TIAM1: variants seen among roughly 807,000 people sequenced by gnomAD.
The protein encoded by TIAM1 is rho guanine nucleotide exchange factor TIAM1.
A neutral mutation model predicts 163.5 loss-of-function variants in TIAM1; 65 were observed. That is an observed-to-expected ratio of 0.40 (90% CI 0.33 to 0.49). TIAM1 has a LOEUF of 0.49. Ranked by LOEUF, TIAM1 falls within the 20% of genes least tolerant of loss-of-function variation. The pLI, the probability that TIAM1 is intolerant of heterozygous loss-of-function variation, is 0.77. For synonymous variants in TIAM1, 833 were observed against 810.1 expected (o/e 1.03, Z -0.48); for missense variants, 1,789 against 2,044.7 (o/e 0.87, Z 2.41).
chr21:31,486,889 G>A (rs2046290096), intron 1 of TIAM1, among the ~76,000 whole-genome samples: 5 of 152,206 alleles, frequency 3.3e-5, no homozygotes, highest in Admixed American at 3.3e-4. Flanking sequence ...TGGCCGCTTT[G>A]CCCAACTCCT....
intron 2 of TIAM1, among the ~76,000 whole-genome samples, chr21:31,291,423 A>G (rs2074015254): frequency 6.6e-6 from 1 of 152,254 alleles, no homozygotes; most frequent in East Asian, 1.9e-4. Flanking sequence ...TTAGGAACTC[A>G]TATGGCTATG....
chr21:31,148,376 C>A (rs2083232312), intron 19 of TIAM1, among the ~76,000 whole-genome samples: 1 of 152,116 alleles, frequency 6.6e-6, no homozygotes, highest in Non-Finnish European at 1.5e-5. Flanking sequence ...AAGGGCGGTT[C>A]CCCTGCACAC....
intron 2 of TIAM1, among the ~76,000 whole-genome samples, chr21:31,360,829 A>G: frequency 6.6e-6 from 1 of 152,218 alleles, no homozygotes; most frequent in East Asian, 1.9e-4. Context: ...TGGTTTTTCA[A>G]TTTACAAAAT....
intron 2 of TIAM1, among the ~76,000 whole-genome samples, chr21:31,381,226 C>G (rs146643322): frequency 1.5e-4 from 23 of 152,144 alleles, no homozygotes; most frequent in African/African-American, 4.1e-4. Context: ...AATTCTAATC[C>G]CTAAGGTGAT....
chr21:31,206,479 T>C (rs57806222), intron 11 of TIAM1, among the ~76,000 whole-genome samples: 3,464 of 152,200 alleles, frequency 0.023, 141 homozygotes, highest in African/African-American at 0.079. Flanking sequence ...AACATTCAAG[T>C]GAAAACTCAA....
intron 5 of TIAM1, among the ~76,000 whole-genome samples, chr21:31,249,462 C>T (rs1204696583): frequency 1.3e-5 from 2 of 152,184 alleles, no homozygotes; most frequent in African/African-American, 4.8e-5. Context: ...ACCTCCAAAT[C>T]TTGTGATTCA....
chr21:31,393,112 T>A (rs986684241), intron 2 of TIAM1, among the ~76,000 whole-genome samples: 3 of 152,030 alleles, frequency 2.0e-5, no homozygotes, highest in Admixed American at 2.0e-4. Flanking sequence ...CCCACCACCA[T>A]GTCCGGCTAA....
chr21:31,381,335 A>G (rs1280659475), intron 2 of TIAM1, among the ~76,000 whole-genome samples: 1 of 152,094 alleles, frequency 6.6e-6, no homozygotes, highest in Non-Finnish European at 1.5e-5. Context: ...ACCAGCCTAG[A>G]CAACATGCTG....
In TIAM1 at chr21:31,437,762, C is replaced by T. The variant is rs190075766; in HGVS notation, c.-369+26221G>A. The stretch of plus-strand genomic sequence containing the variant: ...CTGGCCACGTAAGAGTTGCCTGCTT[C>T]ACCTTCTGCCATGAAAGTAAGTTTC... On this transcript the variant is annotated intron_variant, in intron 2 of 28. Transcript: ENST00000286827. Among the ~76,000 whole-genome samples the T allele has an allele frequency of 5.3e-5, 8 of 152,258 alleles. No individual in the cohort carries two copies. The East Asian group carries it at 1.5e-3, about 29-fold the overall frequency.
chr21:31,146,209 G>A (rs1203035812), intron 20 of TIAM1, among the ~76,000 whole-genome samples: 1 of 152,058 alleles, frequency 6.6e-6, no homozygotes, highest in African/African-American at 2.4e-5. Context: ...GAGGTGGGCG[G>A]ATCACCTGAG....
At chr21:31,193,591 C>CT (rs2085673908) in intron 13 of TIAM1, among the ~76,000 whole-genome samples, 1 of 152,162 alleles carries the variant, frequency 6.6e-6, no homozygotes, top group Non-Finnish European at 1.5e-5. Context: ...CGCCTTTTCC[C>CT]TTTGCTGATT....
intron 5 of TIAM1, among the ~76,000 whole-genome samples, chr21:31,250,152 A>T (rs995874361): frequency 5.7e-5 from 7 of 122,262 alleles, no homozygotes; most frequent in African/African-American, 2.9e-4. Context: ...TCTCAAACAG[A>T]AAAAAAAAAA....
At chr21:31,511,634 T>C (rs191575056) in intron 1 of TIAM1, among the ~76,000 whole-genome samples, 1 of 152,348 alleles carries the variant, frequency 6.6e-6, no homozygotes, top group African/African-American at 2.4e-5. Flanking sequence ...CAAAGAGTTA[T>C]GTCACCGACG....
intron 2 of TIAM1, among the ~76,000 whole-genome samples, chr21:31,296,885 G>C (rs780586979): frequency 4.6e-5 from 7 of 152,124 alleles, no homozygotes; most frequent in African/African-American, 1.4e-4. Context: ...GGATGGTCTT[G>C]ATTTCCTGAC....
chr21:31,155,869 A>G (rs2083601879), intron 16 of TIAM1, among the ~76,000 whole-genome samples: 1 of 152,174 alleles, frequency 6.6e-6, no homozygotes, highest in South Asian at 2.1e-4. Flanking sequence ...TGTCTAATTC[A>G]ACTCTAGGCA....
intron 1 of TIAM1, among the ~76,000 whole-genome samples, chr21:31,505,622 C>G (rs1602441786): frequency 6.6e-6 from 1 of 152,234 alleles, no homozygotes; most frequent in East Asian, 1.9e-4. Flanking sequence ...ATCAGTGGAT[C>G]AGCATTACCG....
chr21:31,129,737 A>C (rs1343380266), intron 25 of TIAM1, among the ~76,000 whole-genome samples: 1 of 152,184 alleles, frequency 6.6e-6, no homozygotes, highest in Non-Finnish European at 1.5e-5. Flanking sequence ...GCAAAGATAA[A>C]GATTTGTAAT....
chr21:31,388,601 T>G (rs1237079855), intron 2 of TIAM1, among the ~76,000 whole-genome samples: 2 of 151,984 alleles, frequency 1.3e-5, no homozygotes, highest in East Asian at 1.9e-4. Flanking sequence ...GAGGCTACAG[T>G]AAGCCATGAT....
intron 2 of TIAM1, among the ~76,000 whole-genome samples, chr21:31,445,608 C>T (rs1313540949): frequency 6.6e-6 from 1 of 152,144 alleles, no homozygotes; most frequent in East Asian, 1.9e-4. Flanking sequence ...CACTGCCTAC[C>T]CTGCAGAAAT....
Sources: gnomAD v4.1 joint callset for allele counts (sites outside exome capture counted in the v4.1 genomes callset) on GRCh38, gnomAD v4.1.1 for gene constraint, MANE v1.5 for transcripts, NCBI Gene and HGNC (gene_info 2026-07-23, HGNC 2026-07-21) for gene names.